The following NTNG1 variants were observed in gnomAD, a reference collection of about 807,000 sequenced individuals.
The protein encoded by NTNG1 is netrin-G1.
NTNG1 carries 16 observed loss-of-function variants against 54.0 expected under a neutral mutation model. The observed-to-expected ratio is 0.30, with a 90% CI of 0.20 to 0.45. NTNG1 has a LOEUF of 0.45. Among genes scored for constraint, NTNG1 ranks in the 20% least tolerant of loss-of-function variants. The pLI is 1.00. For synonymous variants in NTNG1, 255 were observed against 263.1 expected (o/e 0.97, Z 0.30); for missense variants, 530 against 678.7 (o/e 0.78, Z 2.43).
chr1:107,353,951 G>A (rs1382297999), intron 3 of NTNG1, among the ~76,000 whole-genome samples: 1 of 152,038 alleles, frequency 6.6e-6, no homozygotes, highest in African/African-American at 2.4e-5. Flanking sequence ...CTTATGAGAA[G>A]TCACTCACTA....
intron 2 of NTNG1, among the ~76,000 whole-genome samples, chr1:107,222,231 T>C (rs1660392378): frequency 6.6e-6 from 1 of 152,140 alleles, no homozygotes. Context: ...ATGTTATCTG[T>C]CTCTCTGTAC....
At chr1:107,386,173 T>A (rs1247155669) in intron 3 of NTNG1, among the ~76,000 whole-genome samples, 2 of 141,848 alleles carry the variant, frequency 1.4e-5, no homozygotes, top group African/African-American at 5.6e-5. Flanking sequence ...ATATTTTTTT[T>A]TTTTTCTTCC....
chr1:107,480,574 G>GCCCCCCC, intron 7 of NTNG1, 37 bp from the exon 8 acceptor site: 10 of 324,090 alleles, frequency 3.1e-5, no homozygotes, highest in Middle Eastern at 9.8e-4. Flanking sequence ...TCTCCTCCCC[G>GCCCCCCC]CGCCCACCCA....
chr1:107,354,363 G>C (rs963573343), intron 3 of NTNG1, among the ~76,000 whole-genome samples: 1 of 149,432 alleles, frequency 6.7e-6, no homozygotes, highest in Non-Finnish European at 1.5e-5. Context: ...TAGCTACTCA[G>C]GAGGCAGAGG....
intron 3 of NTNG1, among the ~76,000 whole-genome samples, chr1:107,369,250 G>A (rs936074913): frequency 6.6e-6 from 1 of 152,074 alleles, no homozygotes; most frequent in African/African-American, 2.4e-5. Flanking sequence ...TATTTTCTTT[G>A]AGGTAAATAC....
chr1:107,217,248 G>A (rs1660030429), intron 2 of NTNG1, among the ~76,000 whole-genome samples: 1 of 152,112 alleles, frequency 6.6e-6, no homozygotes, highest in Non-Finnish European at 1.5e-5. Flanking sequence ...GTTCACAGTA[G>A]CCTTGAATGA....
chr1:107,460,658 T>C (rs572726564), intron 7 of NTNG1, among the ~76,000 whole-genome samples: 3 of 152,300 alleles, frequency 2.0e-5, no homozygotes, highest in Admixed American at 2.0e-4. Context: ...TTCACTTTTA[T>C]ACCAAACTGG....
intron 2 of NTNG1, among the ~76,000 whole-genome samples, chr1:107,184,796 C>T (rs1657330007): frequency 6.6e-6 from 1 of 152,170 alleles, no homozygotes; most frequent in Non-Finnish European, 1.5e-5. Flanking sequence ...TTAAATCTTT[C>T]CAAAACCACT....
chr1:107,292,401 A>T (rs1665669059), intron 2 of NTNG1, among the ~76,000 whole-genome samples: 1 of 152,138 alleles, frequency 6.6e-6, no homozygotes, highest in South Asian at 2.1e-4. Flanking sequence ...AGACATGAGC[A>T]CAACAGGAGA....
chr1:107,465,510 A>G (rs1448388175), intron 7 of NTNG1, among the ~76,000 whole-genome samples: 2 of 152,190 alleles, frequency 1.3e-5, no homozygotes, highest in Non-Finnish European at 2.9e-5. Context: ...ATTTCTATCT[A>G]TGTCTATATC....
At chr1:107,389,410 T>C (rs1203479834) in intron 3 of NTNG1, among the ~76,000 whole-genome samples, 1 of 146,534 alleles carries the variant, frequency 6.8e-6, no homozygotes, top group African/African-American at 2.4e-5. Flanking sequence ...AGAATAGATA[T>C]ATTAAGTTAT....
intron 2 of NTNG1, among the ~76,000 whole-genome samples, chr1:107,263,332 C>A (rs370545058): frequency 6.7e-6 from 1 of 149,284 alleles, no homozygotes; most frequent in Admixed American, 6.7e-5. Context: ...TTCTTTCCTT[C>A]CTTCCTTTTT....
rs1270315808 is a variant in NTNG1, at chr1:107,484,118, G to A, written c.*3278G>A. Among the ~76,000 whole-genome samples the A allele has an allele frequency of 5.3e-5, 8 of 152,318 alleles. No individual in the cohort carries two copies. The East Asian group carries it at 1.2e-3, about 22-fold the overall frequency. The stretch of plus-strand genomic sequence containing the variant: ...CCTGGAGGCAAGCAACATCCTGAGT[G>A]CATATACCTGGGCACAGGGAGTGGC... On this transcript the variant is annotated 3_prime_UTR_variant, in exon 8 of 8. Coordinates refer to ENST00000370068, the MANE Select transcript of NTNG1 (RefSeq NM_001113226.3).
At chr1:107,325,279 T>C (rs1667887233) in intron 3 of NTNG1, among the ~76,000 whole-genome samples, 1 of 152,118 alleles carries the variant, frequency 6.6e-6, no homozygotes, top group Middle Eastern at 3.2e-3. Context: ...CAACATACCA[T>C]TGTTTACAAA....
intron 2 of NTNG1, among the ~76,000 whole-genome samples, chr1:107,258,179 C>T (rs1462036649): frequency 1.3e-5 from 2 of 150,748 alleles, no homozygotes; most frequent in Non-Finnish European, 2.9e-5. Flanking sequence ...AATGCTCTTA[C>T]TCGGATTATT....
At chr1:107,471,484 T>C (rs1677978115) in intron 7 of NTNG1, among the ~76,000 whole-genome samples, 1 of 152,206 alleles carries the variant, frequency 6.6e-6, no homozygotes, top group Admixed American at 6.5e-5. Context: ...AGGTGGGCTA[T>C]GGAGCAGTAG....
At chr1:107,281,074 A>T (rs1027681197) in intron 2 of NTNG1, among the ~76,000 whole-genome samples, 4 of 152,000 alleles carry the variant, frequency 2.6e-5, no homozygotes, top group Non-Finnish European at 5.9e-5. Flanking sequence ...CAGGTTTCTA[A>T]CCTTCTTACC....
At chr1:107,412,100 A>C (rs1263778509) in intron 5 of NTNG1, among the ~76,000 whole-genome samples, 2 of 29,332 alleles carry the variant, frequency 6.8e-5, no homozygotes, top group East Asian at 5.3e-4. Flanking sequence ...ATGTCAAGCC[A>C]CTTTTTTTTT....
At chr1:107,191,203 C>T (rs1181902505) in intron 2 of NTNG1, among the ~76,000 whole-genome samples, 14 of 151,006 alleles carry the variant, frequency 9.3e-5, no homozygotes, top group South Asian at 2.1e-4. Flanking sequence ...TTTCATGTGT[C>T]TGTTGGCTGC....
Sources: allele counts gnomAD v4.1 joint callset (sites outside exome capture counted in the v4.1 genomes callset), GRCh38; gene constraint gnomAD v4.1.1; transcripts MANE v1.5; gene names NCBI Gene and HGNC (gene_info 2026-07-23, HGNC 2026-07-21).